The following SGCD variants were observed in gnomAD, a reference collection of about 807,000 sequenced individuals.
The protein encoded by SGCD is delta-sarcoglycan.
In SGCD, 18 loss-of-function variants were observed where a neutral mutation model predicts 36.6. That is an observed-to-expected ratio of 0.49 (90% confidence interval 0.34 to 0.73). The LOEUF (loss-of-function observed/expected upper bound fraction) is 0.73, where lower values mean the gene tolerates loss of function less well. SGCD is among the 30% of genes least tolerant of loss of function. SGCD has a pLI of 0.01. For missense variants in SGCD, 387 were observed against 346.7 expected (o/e 1.12, Z -0.92); for synonymous variants, 133 against 130.6 (o/e 1.02, Z -0.12).
At chr5:155,946,747 T>C (rs1256661765) in intron 1 of SGCD, among the ~76,000 whole-genome samples, 2 of 152,202 alleles carry the variant, frequency 1.3e-5, no homozygotes, top group African/African-American at 4.8e-5. Context: ...ATCTCCAAAA[T>C]GTGTGGCTGA....
intron 3 of SGCD, among the ~76,000 whole-genome samples, chr5:156,311,500 A>G (rs1049149776): frequency 6.6e-6 from 1 of 152,206 alleles, no homozygotes; most frequent in Non-Finnish European, 1.5e-5. Flanking sequence ...ATCAAATAAA[A>G]AAGTCTTATA....
At chr5:156,432,056 C>G (rs879529911) in intron 3 of SGCD, among the ~76,000 whole-genome samples, 4 of 152,150 alleles carry the variant, frequency 2.6e-5, no homozygotes, top group Non-Finnish European at 5.9e-5. Context: ...TCTAGCCACC[C>G]GTGGGACTAC....
chr5:155,935,396 T>A (rs1033451557), intron 1 of SGCD, among the ~76,000 whole-genome samples: 1 of 152,130 alleles, frequency 6.6e-6, no homozygotes, highest in Non-Finnish European at 1.5e-5. Flanking sequence ...ATAGGAGAGG[T>A]CACTGCCCTC....
intron 7 of SGCD, among the ~76,000 whole-genome samples, chr5:156,697,699 A>T (rs1209107355): frequency 6.6e-6 from 1 of 152,046 alleles, no homozygotes; most frequent in East Asian, 1.9e-4. Flanking sequence ...CACATTCATT[A>T]TGTCCACTAG....
chr5:156,353,480 A>G (rs1477107205), intron 3 of SGCD, among the ~76,000 whole-genome samples: 1 of 152,232 alleles, frequency 6.6e-6, no homozygotes, highest in Admixed American at 6.5e-5. Flanking sequence ...TGTGAAATAG[A>G]TTAAAGGTAG....
intron 3 of SGCD, among the ~76,000 whole-genome samples, chr5:156,155,834 T>C (rs1169257188): frequency 6.6e-6 from 1 of 151,624 alleles, no homozygotes; most frequent in Non-Finnish European, 1.5e-5. Flanking sequence ...GGCTAGTTTC[T>C]CATTAACTTT....
the SGCD span, among the ~76,000 whole-genome samples, chr5:155,837,489 A>G: frequency 6.6e-6 from 1 of 152,120 alleles, no homozygotes; most frequent in Non-Finnish European, 1.5e-5. Flanking sequence ...TTTTCACCAT[A>G]TAGAATTTTT....
At chr5:155,928,666 C>CAAAAAAAAAAAAAAAAA (rs58548934) in intron 1 of SGCD, among the ~76,000 whole-genome samples, 1 of 68,214 alleles carries the variant, frequency 1.5e-5, no homozygotes, top group African/African-American at 6.7e-5. Flanking sequence ...GACTCTGTCT[C>CAAAAAAAAAAAAAAAAA]AAAAAAAAAA....
chr5:156,547,565 C>T (rs1269823993), intron 4 of SGCD, among the ~76,000 whole-genome samples: 1 of 152,004 alleles, frequency 6.6e-6, no homozygotes, highest in Non-Finnish European at 1.5e-5. Context: ...GCCTTAGCCT[C>T]TCAAGTAGCT....
intron 3 of SGCD, among the ~76,000 whole-genome samples, chr5:156,212,044 AAC>A (rs1764456693): frequency 6.6e-6 from 1 of 152,218 alleles, no homozygotes; most frequent in Non-Finnish European, 1.5e-5. Flanking sequence ...ATCAAAGCTT[AAC>A]ACTAGAGAAA....
intron 1 of SGCD, among the ~76,000 whole-genome samples, chr5:155,906,574 A>C (rs1756516391): frequency 1.3e-5 from 2 of 152,180 alleles, no homozygotes; most frequent in Non-Finnish European, 2.9e-5. Context: ...GATAGGGAGA[A>C]AGTCTGAGTG....
the SGCD span, among the ~76,000 whole-genome samples, chr5:155,831,443 G>A: frequency 2.9e-3 from 437 of 152,326 alleles, 2 homozygotes; most frequent in African/African-American, 9.3e-3. Context: ...GGGAAACGTA[G>A]AAATAATTGT....
chr5:156,587,102 A>G (rs1464733086), intron 4 of SGCD, among the ~76,000 whole-genome samples: 1 of 152,156 alleles, frequency 6.6e-6, no homozygotes, highest in Non-Finnish European at 1.5e-5. Flanking sequence ...CACACTCTGA[A>G]CCTTTACTTT....
intron 7 of SGCD, among the ~76,000 whole-genome samples, chr5:156,699,733 A>G (rs966290175): frequency 1.3e-5 from 2 of 151,794 alleles, no homozygotes; most frequent in African/African-American, 4.9e-5. Flanking sequence ...AAGATCCACA[A>G]TCACTCACTT....
intron 1 of SGCD, among the ~76,000 whole-genome samples, chr5:155,935,940 A>G (rs1757187427): frequency 6.6e-6 from 1 of 152,160 alleles, no homozygotes; most frequent in African/African-American, 2.4e-5. Context: ...GCAGCAGGGC[A>G]GATAGCTCCA....
chr5:156,148,121 G>T (rs529387551), intron 3 of SGCD, among the ~76,000 whole-genome samples: 1 of 152,290 alleles, frequency 6.6e-6, no homozygotes, highest in African/African-American at 2.4e-5. Flanking sequence ...AAAAAAGAAT[G>T]TGTGTCTTCC....
intron 1 of SGCD, among the ~76,000 whole-genome samples, chr5:156,014,357 A>G (rs550179041): frequency 2.0e-5 from 3 of 152,280 alleles, no homozygotes; most frequent in African/African-American, 7.2e-5. Flanking sequence ...AGAATAGCAC[A>G]AACAACTCCT....
At chr5:156,550,096 G>A (rs1758729203) in intron 4 of SGCD, among the ~76,000 whole-genome samples, 1 of 152,182 alleles carries the variant, frequency 6.6e-6, no homozygotes, top group Admixed American at 6.5e-5. Context: ...CACAGAGGGG[G>A]AAAGAAGTAG....
At chr5:156,548,986 C>G (rs1297139487) in intron 4 of SGCD, among the ~76,000 whole-genome samples, 1 of 152,026 alleles carries the variant, frequency 6.6e-6, no homozygotes, top group Non-Finnish European at 1.5e-5. Flanking sequence ...TTCTGTCAAC[C>G]TAGAATACTT....
Sources: allele counts gnomAD v4.1 joint callset (sites outside exome capture counted in the v4.1 genomes callset), GRCh38; gene constraint gnomAD v4.1.1; transcripts MANE v1.5; gene names NCBI Gene and HGNC (gene_info 2026-07-23, HGNC 2026-07-21).